Variants in ANKRD28 observed in about 807,000 individuals in gnomAD.
ANKRD28 encodes the protein serine/threonine-protein phosphatase 6 regulatory ankyrin repeat subunit A.
Under a neutral mutation model 126.5 loss-of-function variants are expected in ANKRD28, and 44 were observed. That is an observed-to-expected ratio of 0.35 (90% CI 0.27 to 0.45). The LOEUF is 0.45. Ranked by LOEUF, ANKRD28 falls within the 20% of genes least tolerant of loss-of-function variation. The pLI is 1.00. For synonymous variants in ANKRD28, 442 were observed against 468.5 expected, an observed-to-expected ratio of 0.94 and a Z score of 0.73; for missense variants, 1,110 against 1,316.6, an observed-to-expected ratio of 0.84 and a Z score of 2.43.
chr3:15,784,557 T>G (rs1419978317), intron 2 of ANKRD28, among the ~76,000 whole-genome samples: 1 of 150,474 alleles, frequency 6.6e-6, no homozygotes, highest in Non-Finnish European at 1.5e-5. Flanking sequence ...TATAATCACA[T>G]GAAATGCTCA....
At chr3:15,835,171 AAGAG>A (rs1167848073) in intron 1 of ANKRD28, among the ~76,000 whole-genome samples, 5 of 152,162 alleles carry the variant, frequency 3.3e-5, no homozygotes, top group Admixed American at 1.3e-4. Flanking sequence ...AAGAAAAAGA[AAGAG>A]AGAATTAAAA....
At chr3:15,820,352 T>C (rs915983666) in intron 1 of ANKRD28, among the ~76,000 whole-genome samples, 1 of 151,906 alleles carries the variant, frequency 6.6e-6, no homozygotes, top group East Asian at 1.9e-4. Flanking sequence ...CAAACAACAG[T>C]GGAATCTAAT....
chr3:15,766,226 T>C lies in ANKRD28; in HGVS notation c.280+8A>G. ...TAATGTGTTCTTATTACTCAGAGGT[T>C]ACCATACCAGATAAAATAAGAAGTT... On this transcript the variant is annotated splice_region_variant and intron_variant, in intron 3 of 27. Transcript: ENST00000683139. The C allele has an allele frequency of 2.5e-6, 4 of 1,607,094 alleles. No homozygotes were observed. In the South Asian group the frequency reaches 4.4e-5, roughly 18 times the overall value.
At chr3:15,850,204 A>AAAAAATAT (rs1486394619) in intron 1 of ANKRD28, among the ~76,000 whole-genome samples, 19 of 54,816 alleles carry the variant, frequency 3.5e-4, no homozygotes, top group African/African-American at 8.9e-4. Flanking sequence ...AAAAAAAAAA[A>AAAAAATAT]ATATATATAT....
chr3:15,812,359 G>C lies in ANKRD28; in HGVS notation c.28-17053C>G, dbSNP rs1303063729. 6.6e-6 allele frequency among the ~76,000 whole-genome samples: 1 copy of C among 152,088 alleles called. No individual in the cohort carries two copies. The highest frequency in any genetic ancestry group is 2.4e-5 in the African/African-American group (1 of 41,396). ...CAAATGGTGCCCTTAGGTAAATTTA[G>C]AAAGGGTTTGCAGTAACCAATGGAA... On this transcript the variant is annotated intron_variant, in intron 1 of 27. Coordinates refer to the ANKRD28 transcript ENST00000399451. This position sits in a 1 kb window ranked among gnomAD's most constrained non-coding sequence, Gnocchi z 4.1.
Position 15,797,890 on chromosome 3 carries a change from C to A in ANKRD28, c.-1369G>T. 2.0e-6 allele frequency: 2 copies of A among 985,396 alleles called. No homozygotes were observed. Among genetic ancestry groups the A allele is most frequent in the Non-Finnish European group, 2.4e-6 (2 of 829,942 alleles). 61.0% of individuals were successfully genotyped at this position (985,396 alleles called of 1,614,324 possible). A position where few individuals can be genotyped will look rare whatever the true frequency, so the allele number is the denominator to read the frequency against. On this transcript the variant is annotated 5_prime_UTR_variant, in exon 1 of 28. Coordinates refer to ENST00000683139, the MANE Select transcript of ANKRD28 (RefSeq NM_001349278.2). ...TCAGTATCAGTCCCACAGAAGCATT[C>A]CAACGGAGCAACAGTCTGAAGAGCA...
At chr3:15,762,924 G>A (rs2058565458) in intron 3 of ANKRD28, among the ~76,000 whole-genome samples, 1 of 152,164 alleles carries the variant, frequency 6.6e-6, no homozygotes, top group Non-Finnish European at 1.5e-5. Flanking sequence ...AACTTCAAAA[G>A]ATCATGGAGG....
chr3:15,675,657 G>GC (rs1165911070), intron 27 of ANKRD28, among the ~76,000 whole-genome samples: 3 of 152,160 alleles, frequency 2.0e-5, no homozygotes, highest in African/African-American at 7.2e-5. Context: ...ACAGAAAGTG[G>GC]CAAGTATAAA....
At chr3:15,855,564 C>G (rs1160068409) in intron 1 of ANKRD28, among the ~76,000 whole-genome samples, 6 of 152,314 alleles carry the variant, frequency 3.9e-5, no homozygotes, top group African/African-American at 1.4e-4. Flanking sequence ...GTGAGATGAC[C>G]TGAGTACAGG....
At chr3:15,685,157 T>TTATAAA in intron 21 of ANKRD28, 69 bp downstream of exon 21, 2 of 1,552,780 alleles carry the variant, frequency 1.3e-6, no homozygotes, top group South Asian at 2.3e-5. Flanking sequence ...AAAATTTGCC[T>TTATAAA]TATAAATATG....
At chr3:15,810,715 T>TCC (rs1371667459) in intron 1 of ANKRD28, among the ~76,000 whole-genome samples, 12 of 150,240 alleles carry the variant, frequency 8.0e-5, no homozygotes, top group South Asian at 2.1e-4. Flanking sequence ...TTTTTTTTTT[T>TCC]CCCCTAAGTA....
chr3:15,724,908 G>C (rs1272259128), intron 6 of ANKRD28, among the ~76,000 whole-genome samples: 1 of 152,196 alleles, frequency 6.6e-6, no homozygotes, highest in Non-Finnish European at 1.5e-5. Flanking sequence ...TTGAGCCTGG[G>C]AGGTTAAGGC....
intron 7 of ANKRD28, among the ~76,000 whole-genome samples, chr3:15,722,069 AG>A (rs1427859640): frequency 1.3e-5 from 2 of 152,142 alleles, no homozygotes; most frequent in Non-Finnish European, 2.9e-5. Flanking sequence ...CTAATAAATA[AG>A]GGAATAGTTT....
At chr3:15,754,350 G>T (rs907499783) in intron 3 of ANKRD28, among the ~76,000 whole-genome samples, 5 of 152,030 alleles carry the variant, frequency 3.3e-5, no homozygotes, top group African/African-American at 7.3e-5. Context: ...GACTATCATG[G>T]TATCATAATG....
At chr3:15,787,495 C>A (rs1335329680) in intron 2 of ANKRD28, among the ~76,000 whole-genome samples, 1 of 152,184 alleles carries the variant, frequency 6.6e-6, no homozygotes, top group Non-Finnish European at 1.5e-5. Context: ...TGCCTGCCCC[C>A]ACCTTCACTC....
At chr3:15,733,565 C>A (rs976412866) in intron 6 of ANKRD28, 1 of 152,014 alleles carries the variant, frequency 6.6e-6, no homozygotes, top group East Asian at 1.9e-4. Context: ...GACTATTCTT[C>A]GGTGATAATA....
intron 3 of ANKRD28, among the ~76,000 whole-genome samples, chr3:15,759,554 T>C (rs536930591): frequency 1.3e-5 from 2 of 152,288 alleles, no homozygotes; most frequent in South Asian, 4.1e-4. Flanking sequence ...AGTTGCATCA[T>C]GTACAAATAC....
chr3:15,691,422 C>A (rs1385874720), intron 17 of ANKRD28, among the ~76,000 whole-genome samples: 1 of 152,166 alleles, frequency 6.6e-6, no homozygotes, highest in Admixed American at 6.5e-5. Context: ...TGCGCCCGGC[C>A]CCGAGTTGCC....
chr3:15,809,961 T>TC lies in ANKRD28; in HGVS notation c.28-14656dup, dbSNP rs759734319. Among the ~76,000 whole-genome samples the TC allele has an allele frequency of 6.6e-5, 10 of 151,968 alleles. No individual in the cohort carries two copies. In the South Asian group the frequency reaches 1.9e-3, roughly 28 times the overall value. ...GATGCTGTTTCCTCTGCCTAGCACA[T>TC]CCCCCTCCCACCTCCTCATCCACAA... On this transcript the variant is annotated intron_variant, in intron 1 of 27. Coordinates refer to the ANKRD28 transcript ENST00000399451.
Sources: gnomAD v4.1 joint callset for allele counts (sites outside exome capture counted in the v4.1 genomes callset) on GRCh38, gnomAD v4.1.1 for gene constraint, Gnocchi (gnomAD v3.1) non-coding constraint, MANE v1.5 for transcripts, NCBI Gene and HGNC (gene_info 2026-07-23, HGNC 2026-07-21) for gene names.